The following PLEKHA6 variants were observed in gnomAD, a reference collection of about 807,000 sequenced individuals.
The protein encoded by PLEKHA6 is pleckstrin homology domain-containing family A member 6.
Under a neutral mutation model 116.7 loss-of-function variants are expected in PLEKHA6, and 60 were observed. The ratio of observed to expected loss-of-function variants is 0.51; its 90% CI spans 0.42 to 0.64. The LOEUF (loss-of-function observed/expected upper bound fraction) is 0.64. Among genes scored for constraint, PLEKHA6 ranks in the 30% least tolerant of loss-of-function variants. The pLI, the probability that PLEKHA6 is intolerant of heterozygous loss-of-function variation, is 0.00. For missense variants in PLEKHA6, 1,338 were observed against 1,422.7 expected (o/e 0.94, Z 0.96); for synonymous variants, 489 against 556.1 (o/e 0.88, Z 1.70).
chr1:204,320,401 TG>T, intron 1 of PLEKHA6: 1 of 695,700 alleles, frequency 1.4e-6, no homozygotes, highest in Non-Finnish European at 1.8e-6. Flanking sequence ...GCCCTCCATC[TG>T]GATTCACCAT....
chr1:204,256,790 GA>G (rs1485214396), intron 9 of PLEKHA6: 2 of 603,630 alleles, frequency 3.3e-6, no homozygotes, highest in South Asian at 2.0e-5. Flanking sequence ...GTGGAGGGGA[GA>G]AAGGACGTAC....
chr1:204,275,601 A>T lies in PLEKHA6; in HGVS notation c.-94-792T>A, dbSNP rs985701082. 4 of 586,246 alleles carry T rather than the reference A, an allele frequency of 6.8e-6. No individual in the cohort carries two copies. The African/African-American group carries it at 8.1e-5, about 12-fold the overall frequency. The allele number at this position is 586,246 out of a possible 1,614,324, so 36.3% of individuals were successfully genotyped here. A position where few individuals can be genotyped will look rare whatever the true frequency, so the allele number is the denominator to read the frequency against. On this transcript the variant is annotated intron_variant, in intron 1 of 22. Coordinates refer to ENST00000272203, the MANE Select transcript of PLEKHA6 (RefSeq NM_014935.5). ...AGCATCGTGGAGCCTCCTTGGGAAG[A>T]CCTGCTGTGGCTCCTCCGGCTGGCT...
At chr1:204,306,920 T>G (rs527344139) in intron 1 of PLEKHA6, among the ~76,000 whole-genome samples, 5 of 152,246 alleles carry the variant, frequency 3.3e-5, no homozygotes, top group Non-Finnish European at 7.3e-5. Flanking sequence ...ACACATGGGT[T>G]GTACTTATGT....
At chr1:204,343,944 C>T (rs16853455) in intron 1 of PLEKHA6, among the ~76,000 whole-genome samples, 3,006 of 152,210 alleles carry the variant, frequency 0.02, 92 homozygotes, top group African/African-American at 0.069. Context: ...CAGACTTGCC[C>T]CTGATTTTGG....
intron 1 of PLEKHA6, among the ~76,000 whole-genome samples, chr1:204,290,645 A>G (rs1350847916): frequency 6.6e-6 from 1 of 152,240 alleles, no homozygotes; most frequent in Non-Finnish European, 1.5e-5. Flanking sequence ...CGCACCATCA[A>G]GAAAAATCAA....
intron 1 of PLEKHA6, among the ~76,000 whole-genome samples, chr1:204,291,899 T>C (rs1009392002): frequency 6.6e-6 from 1 of 152,148 alleles, no homozygotes; most frequent in Non-Finnish European, 1.5e-5. Context: ...ATATATACAA[T>C]TTATCATATA....
intron 5 of PLEKHA6, 82 bp downstream of exon 5, chr1:204,267,393 A>G (rs553082155): frequency 7.8e-7 from 1 of 1,275,216 alleles, no homozygotes; most frequent in African/African-American, 1.5e-5. Flanking sequence ...ATCCAAAGCC[A>G]AGCTCGGGGA....
chr1:204,220,318 C>A lies in PLEKHA6; in HGVS notation c.*2470G>T, dbSNP rs963477853. The A allele has an allele frequency of 2.0e-5, 3 of 152,228 alleles. No individual in the cohort carries two copies. Among genetic ancestry groups the A allele is most frequent in the Non-Finnish European group, 2.9e-5 (2 of 68,054 alleles). The allele number at this position is 152,228 out of a possible 1,614,324, so 9.4% of individuals were successfully genotyped here. A position where few individuals can be genotyped will look rare whatever the true frequency, so the allele number is the denominator to read the frequency against. ...ACCGCAGAGGGTCATCAGGAGCAGA[C>A]AGTGTAATAAAATCCTTAGGCCAGG... is the stretch of plus-strand genomic sequence containing the variant. On this transcript the variant is annotated 3_prime_UTR_variant, in exon 23 of 23. Transcript: ENST00000272203.
intron 1 of PLEKHA6, among the ~76,000 whole-genome samples, chr1:204,352,800 C>T (rs573373779): frequency 2.0e-5 from 3 of 152,126 alleles, no homozygotes; most frequent in African/African-American, 7.2e-5. Flanking sequence ...GCCTGGGCAA[C>T]AAAGTGAGAC....
Position 204,222,020 on chromosome 1 carries a change from ATC to A in PLEKHA6, c.*766_*767del, listed in dbSNP as rs66501941. On this transcript the variant is annotated 3_prime_UTR_variant, in exon 23 of 23. Coordinates refer to ENST00000272203, the MANE Select transcript of PLEKHA6 (RefSeq NM_014935.5). ...GCTTCCCCCTCCTTCCACTCTGAGG[ATC>A]TCTCTCTCTCTCTCTCTCTCTCTCT... is the stretch of plus-strand genomic sequence containing the variant. The A allele has an allele frequency of 0.6, 79,941 of 133,606 alleles. 22,946 individuals carry two copies. Among genetic ancestry groups the A allele is most frequent in the South Asian group, 0.69 (2,722 of 3,954 alleles). 8.3% of individuals were successfully genotyped at this position (133,606 alleles called of 1,614,324 possible).
At chr1:204,284,291 G>A (rs1668941821) in intron 1 of PLEKHA6, among the ~76,000 whole-genome samples, 1 of 152,216 alleles carries the variant, frequency 6.6e-6, no homozygotes, top group African/African-American at 2.4e-5. Flanking sequence ...ATGTAGTGCT[G>A]CTCCTCACCT....
intron 10 of PLEKHA6, 143 bp downstream of exon 10, chr1:204,250,403 G>A: frequency 1.5e-6 from 1 of 664,696 alleles, no homozygotes; most frequent in Middle Eastern, 3.9e-4. Context: ...TGAATCAAAG[G>A]TATGAAAAGC....
At position 204,259,059 on chromosome 1, in the gene PLEKHA6, C is replaced by T. The variant is rs147069425; in HGVS notation, c.1007+199G>A. Among the ~76,000 whole-genome samples the T allele has an allele frequency of 3.5e-4, 53 of 152,358 alleles. 1 individual carries two copies. Among genetic ancestry groups the T allele is most frequent in the African/African-American group, 1.3e-3 (52 of 41,590 alleles). On this transcript the variant is annotated intron_variant, in intron 8 of 22. Coordinates refer to ENST00000272203, the MANE Select transcript of PLEKHA6 (RefSeq NM_014935.5). This position sits in a 1 kb window ranked among gnomAD's most constrained non-coding sequence, Gnocchi z 4.6. ...AGACAAAGAAACCAAGAATCAGGGA[C>T]AGCAGCCAGACTCTAATGGTGGAGC...
chr1:204,340,463 C>T (rs1033448470), intron 1 of PLEKHA6, among the ~76,000 whole-genome samples: 3 of 152,292 alleles, frequency 2.0e-5, no homozygotes, highest in African/African-American at 7.2e-5. Context: ...CGTACCAGCA[C>T]AACTGCGGAG....
intron 1 of PLEKHA6, among the ~76,000 whole-genome samples, chr1:204,332,951 C>T (rs1558186903): frequency 6.6e-6 from 1 of 152,218 alleles, no homozygotes; most frequent in East Asian, 1.9e-4. Context: ...AGAAAAGACG[C>T]TCTATAAATG....
At chr1:204,335,960 A>C (rs1245110171) in intron 1 of PLEKHA6, among the ~76,000 whole-genome samples, 1 of 152,234 alleles carries the variant, frequency 6.6e-6, no homozygotes, top group African/African-American at 2.4e-5. Flanking sequence ...GTTCCAGGGC[A>C]CATGCCCCTA....
chr1:204,251,712 G>C, intron 9 of PLEKHA6: 1 of 640,836 alleles, frequency 1.6e-6, no homozygotes, highest in Non-Finnish European at 2.9e-6. Flanking sequence ...GGGGAGGGCA[G>C]CTCCCCCAGC....
rs1659770381 is a variant in PLEKHA6, at chr1:204,222,639, A to T, written c.*149T>A. 1 of 152,716 alleles carries T rather than the reference A, an allele frequency of 6.5e-6. No individual in the cohort carries two copies. The highest frequency in any genetic ancestry group is 2.1e-4 in the South Asian group (1 of 4,830). 9.5% of individuals were successfully genotyped at this position (152,716 alleles called of 1,614,324 possible). A position where few individuals can be genotyped will look rare whatever the true frequency, so the allele number is the denominator to read the frequency against. On this transcript the variant is annotated 3_prime_UTR_variant, in exon 23 of 23. Transcript: ENST00000272203. ...TCCTCTGGCAGCAGCCCATGGCCCC[A>T]GCCTGGCTCCCTGCGGCATTCCCAT...
intron 1 of PLEKHA6, among the ~76,000 whole-genome samples, chr1:204,310,892 G>A (rs1379754871): frequency 6.6e-6 from 1 of 152,220 alleles, no homozygotes; most frequent in Non-Finnish European, 1.5e-5. Context: ...TTTGGAGAAG[G>A]AAGTCAGGAA....
Sources: allele counts gnomAD v4.1 joint callset (sites outside exome capture counted in the v4.1 genomes callset), GRCh38; gene constraint gnomAD v4.1.1; non-coding constraint Gnocchi (gnomAD v3.1); transcripts MANE v1.5; gene names NCBI Gene and HGNC (gene_info 2026-07-23, HGNC 2026-07-21).